Variants in MAD1L1 observed in about 807,000 individuals in gnomAD.
The protein encoded by MAD1L1 is mitotic spindle assembly checkpoint protein MAD1.
In MAD1L1, 95 loss-of-function variants were observed where a neutral mutation model predicts 96.9. That is an observed-to-expected ratio of 0.98 (90% CI 0.83 to 1.16). The LOEUF is 1.16. MAD1L1 is among the 50% of genes most tolerant of loss of function. The pLI, the probability that MAD1L1 is intolerant of heterozygous loss-of-function variation, is 0.00. For missense variants in MAD1L1, 1,007 were observed against 954.4 expected, an observed-to-expected ratio of 1.06 and a Z score of -0.73; for synonymous variants, 473 against 396.6, an observed-to-expected ratio of 1.19 and a Z score of -2.29.
chr7:1,872,623 G>C (rs1017809583), intron 18 of MAD1L1: 3 of 152,324 alleles, frequency 2.0e-5, no homozygotes, highest in African/African-American at 7.2e-5. Context: ...GCCGCTCTCT[G>C]CTCCCGCCGG....
At chr7:1,949,143 G>A (rs1337669927) in intron 16 of MAD1L1, among the ~76,000 whole-genome samples, 1 of 151,656 alleles carries the variant, frequency 6.6e-6, no homozygotes, top group East Asian at 2.0e-4. Flanking sequence ...GGGGCCCGGG[G>A]CACGGCCCCT....
chr7:1,986,734 G>A (rs1055728024), intron 14 of MAD1L1, among the ~76,000 whole-genome samples: 7 of 152,274 alleles, frequency 4.6e-5, no homozygotes, highest in East Asian at 3.9e-4. Flanking sequence ...TGGTTTTCAC[G>A]CTTCTTGTTA....
intron 16 of MAD1L1, among the ~76,000 whole-genome samples, chr7:1,938,272 C>A (rs1482624167): frequency 1.3e-5 from 2 of 150,852 alleles, no homozygotes; most frequent in Non-Finnish European, 2.9e-5. Context: ...CAACAGCCGC[C>A]CACGGCAGGG....
intron 16 of MAD1L1, among the ~76,000 whole-genome samples, chr7:1,955,800 C>T (rs935407627): frequency 1.3e-5 from 2 of 152,152 alleles, no homozygotes; most frequent in African/African-American, 4.8e-5. Flanking sequence ...TGTCCTGTTG[C>T]ATTTTGTTGC....
intron 10 of MAD1L1, among the ~76,000 whole-genome samples, chr7:2,157,528 C>T (rs1789906097): frequency 2.0e-5 from 3 of 152,176 alleles, no homozygotes; most frequent in East Asian, 3.9e-4. Flanking sequence ...CTCAGTGCAG[C>T]ACAGGCCCAG....
chr7:1,955,892 A>G (rs557415846), intron 16 of MAD1L1, among the ~76,000 whole-genome samples: 29 of 151,968 alleles, frequency 1.9e-4, no homozygotes, highest in African/African-American at 6.5e-4. Context: ...GGGCAGGCTG[A>G]TAAGAACAGA....
chr7:1,882,013 C>T (rs939584039), intron 18 of MAD1L1, among the ~76,000 whole-genome samples: 7 of 152,200 alleles, frequency 4.6e-5, no homozygotes, highest in Non-Finnish European at 8.8e-5. Context: ...CCCCCACACC[C>T]TCTCTAAGGG....
At chr7:2,223,458 T>C (rs979994630) in intron 4 of MAD1L1, 10 of 151,982 alleles carry the variant, frequency 6.6e-5, no homozygotes, top group Non-Finnish European at 1.3e-4. Flanking sequence ...AGGCGGTGAG[T>C]CCTGGTGGAG....
At chr7:2,057,528 C>T (rs1227768631) in intron 12 of MAD1L1, among the ~76,000 whole-genome samples, 1 of 151,204 alleles carries the variant, frequency 6.6e-6, no homozygotes. Flanking sequence ...ACCGCCCCCC[C>T]AAAAAGAAGA....
intron 12 of MAD1L1, among the ~76,000 whole-genome samples, chr7:2,037,539 G>T (rs989906086): frequency 1.3e-5 from 2 of 152,220 alleles, no homozygotes; most frequent in Admixed American, 1.3e-4. Context: ...ATCTGTTGTG[G>T]TCTGTAATGG....
intron 17 of MAD1L1, among the ~76,000 whole-genome samples, chr7:1,913,487 T>G (rs1258810697): frequency 6.6e-6 from 1 of 151,680 alleles, no homozygotes; most frequent in East Asian, 1.9e-4. Flanking sequence ...GGCTTTACCT[T>G]CTGGGAGCTG....
chr7:2,164,100 T>A (rs951974969), intron 10 of MAD1L1, among the ~76,000 whole-genome samples: 1 of 152,194 alleles, frequency 6.6e-6, no homozygotes, highest in Non-Finnish European at 1.5e-5. Context: ...AGCGGATGCA[T>A]GCAGACACCT....
intron 14 of MAD1L1, among the ~76,000 whole-genome samples, chr7:1,981,973 T>C (rs931483827): frequency 4.6e-5 from 7 of 152,064 alleles, no homozygotes; most frequent in African/African-American, 1.7e-4. Context: ...GCCCATGCCC[T>C]GAGCAGCCTG....
chr7:2,025,682 G>C (rs193111201), intron 12 of MAD1L1, among the ~76,000 whole-genome samples: 2 of 152,182 alleles, frequency 1.3e-5, no homozygotes, highest in Non-Finnish European at 2.9e-5. Context: ...TTTCAAACAC[G>C]TAAGTGTATG....
At chr7:2,128,807 G>A (rs1027755916) in intron 11 of MAD1L1, among the ~76,000 whole-genome samples, 8 of 152,174 alleles carry the variant, frequency 5.3e-5, no homozygotes, top group African/African-American at 1.7e-4. Flanking sequence ...CCTCAAGCCC[G>A]TCAGGCCACA....
At chr7:1,821,291 A>G (rs1380849313) in intron 18 of MAD1L1, among the ~76,000 whole-genome samples, 1 of 152,158 alleles carries the variant, frequency 6.6e-6, no homozygotes, top group African/African-American at 2.4e-5. Flanking sequence ...TAACCATTAA[A>G]TAAATCAAGT....
At position 2,142,697 on chromosome 7, in the gene MAD1L1, C is replaced by T. The variant is rs1562725446; in HGVS notation, c.1073+6455G>A. On this transcript the variant is annotated intron_variant, in intron 11 of 18. Coordinates refer to ENST00000265854, the MANE Select transcript of MAD1L1 (RefSeq NM_001013836.2). This position sits in a 1 kb window ranked among gnomAD's most constrained non-coding sequence, Gnocchi z 4.7. ...CACACCTTCTGCCAAAGACCATTTA[C>T]ATCGAGTGGCGCCAAAGCCGAACGG... Among the ~76,000 whole-genome samples, 1 of 152,252 alleles carries T rather than the reference C, an allele frequency of 6.6e-6. No homozygotes were observed. Among genetic ancestry groups the T allele is most frequent in the Non-Finnish European group, 1.5e-5 (1 of 68,046 alleles).
intron 14 of MAD1L1, among the ~76,000 whole-genome samples, chr7:1,998,795 C>T (rs1313486689): frequency 1.3e-5 from 2 of 151,512 alleles, no homozygotes; most frequent in Non-Finnish European, 2.9e-5. Flanking sequence ...TCCTGAACAC[C>T]TGCACTCAGG....
At chr7:2,124,819 A>G (rs902933976) in intron 11 of MAD1L1, among the ~76,000 whole-genome samples, 39 of 152,284 alleles carry the variant, frequency 2.6e-4, no homozygotes, top group Admixed American at 2.1e-3. Flanking sequence ...GCACGGTGAC[A>G]TCACATACAA....
Sources: allele counts gnomAD v4.1 joint callset (sites outside exome capture counted in the v4.1 genomes callset), GRCh38; gene constraint gnomAD v4.1.1; non-coding constraint Gnocchi (gnomAD v3.1); transcripts MANE v1.5; gene names NCBI Gene and HGNC (gene_info 2026-07-23, HGNC 2026-07-21).